Variants in PIAS4 observed in about 807,000 individuals in gnomAD.
The protein encoded by PIAS4 is E3 SUMO-protein ligase PIAS4.
A neutral mutation model predicts 58.0 loss-of-function variants in PIAS4; 7 were observed. That is an observed-to-expected ratio of 0.12 (90% CI 0.07 to 0.23). The LOEUF is 0.23. PIAS4 is among the 10% of genes least tolerant of loss of function. The pLI is 1.00. For synonymous variants in PIAS4, 364 were observed against 312.4 expected (o/e 1.17, Z -1.74); for missense variants, 550 against 709.5 (o/e 0.78, Z 2.55).
At chr19:4,015,849 C>T (rs1341829405) in intron 2 of PIAS4, among the ~76,000 whole-genome samples, 3 of 152,208 alleles carry the variant, frequency 2.0e-5, no homozygotes, top group South Asian at 2.1e-4. Flanking sequence ...ATGGAGACCG[C>T]GCCAGGCGGA....
chr19:4,019,123 G>A (rs2040082789), intron 2 of PIAS4, among the ~76,000 whole-genome samples: 1 of 152,168 alleles, frequency 6.6e-6, no homozygotes, highest in African/African-American at 2.4e-5. Flanking sequence ...GTGGATGTTT[G>A]CAGGACAGCA....
intron 1 of PIAS4, among the ~76,000 whole-genome samples, chr19:4,009,300 G>T (rs935340656): frequency 6.6e-6 from 1 of 152,066 alleles, no homozygotes; most frequent in African/African-American, 2.4e-5. Flanking sequence ...ACACCCCTGC[G>T]CACACTTCTG....
intron 9 of PIAS4, among the ~76,000 whole-genome samples, chr19:4,034,556 A>C (rs896360197): frequency 5.9e-5 from 9 of 152,076 alleles, no homozygotes; most frequent in Non-Finnish European, 1.0e-4. Flanking sequence ...CTGGGTGGCC[A>C]CCCCCTTGCA....
chr19:4,013,369 A>G lies in PIAS4; in HGVS notation c.454+20A>G. 1 of 1,596,510 alleles carries G rather than the reference A, an allele frequency of 6.3e-7. No homozygotes were observed. ...AATTAGGTGAGTGGTCACCCTGGGG[A>G]GGCTGCGACTGGAGGCTTCACCTAG... On this transcript the variant is annotated intron_variant, in intron 2 of 10. Coordinates refer to ENST00000262971, the MANE Select transcript of PIAS4 (RefSeq NM_015897.4). This position sits in a 1 kb window ranked among gnomAD's most constrained non-coding sequence, Gnocchi z 5.1.
At chr19:4,008,003 G>C (rs1431304363) in intron 1 of PIAS4, among the ~76,000 whole-genome samples, 1 of 151,542 alleles carries the variant, frequency 6.6e-6, no homozygotes, top group East Asian at 2.0e-4. Flanking sequence ...AGGTCTTCGC[G>C]CCGGGGGTCG....
chr19:4,036,499 TACAA>T (rs1244186409), intron 9 of PIAS4, among the ~76,000 whole-genome samples: 19 of 115,412 alleles, frequency 1.6e-4, no homozygotes, highest in South Asian at 5.8e-4. Flanking sequence ...CACACCGTCA[TACAA>T]ACACACACAC....
In PIAS4 at chr19:4,013,474, C is replaced by T; in HGVS notation, c.454+125C>T. 3 of 821,556 alleles carry T rather than the reference C, an allele frequency of 3.7e-6. No individual in the cohort carries two copies. The highest frequency in any genetic ancestry group is 2.6e-5 in the East Asian group (1 of 38,260). The allele number at this position is 821,556 out of a possible 1,614,324, so 50.9% of individuals were successfully genotyped here. On this transcript the variant is annotated intron_variant, in intron 2 of 10. Coordinates refer to ENST00000262971, the MANE Select transcript of PIAS4 (RefSeq NM_015897.4). This position sits in a 1 kb window ranked among gnomAD's most constrained non-coding sequence, Gnocchi z 5.1. ...GTGGCGCAGCCAGGGCGGGGAGCCA[C>T]AGTGGCCAGGGGTGTCCTTCCTCGG...
chr19:4,010,058 T>C (rs1175432907), intron 1 of PIAS4, among the ~76,000 whole-genome samples: 1 of 152,246 alleles, frequency 6.6e-6, no homozygotes, highest in Non-Finnish European at 1.5e-5. Context: ...CAGGCAAGCC[T>C]GGAGTTGAAA....
chr19:4,014,664 C>T (rs563206812), intron 2 of PIAS4, among the ~76,000 whole-genome samples: 92 of 152,338 alleles, frequency 6.0e-4, no homozygotes, highest in Admixed American at 1.4e-3. Context: ...ACCAAGGCCA[C>T]GAGGTTCAGA....
intron 2 of PIAS4, among the ~76,000 whole-genome samples, chr19:4,019,862 G>T (rs1453233388): frequency 1.3e-5 from 2 of 152,104 alleles, no homozygotes; most frequent in East Asian, 3.9e-4. Flanking sequence ...GGACGTGCAG[G>T]CTGAGGCCAC....
At chr19:4,019,516 C>T (rs571717498) in intron 2 of PIAS4, among the ~76,000 whole-genome samples, 1 of 152,330 alleles carries the variant, frequency 6.6e-6, no homozygotes, top group East Asian at 1.9e-4. Context: ...TTCTGAGACA[C>T]TGAGGGGTGG....
chr19:4,033,031 ACTC>A, intron 7 of PIAS4, 66 bp from the exon 8 acceptor site: 1 of 1,257,266 alleles, frequency 8.0e-7, no homozygotes, highest in South Asian at 1.2e-5. Context: ...GCCGGAGAGA[ACTC>A]GAATCACAGC....
At chr19:4,016,337 G>A (rs566436328) in intron 2 of PIAS4, among the ~76,000 whole-genome samples, 4 of 152,318 alleles carry the variant, frequency 2.6e-5, no homozygotes, top group Non-Finnish European at 5.9e-5. Context: ...CTGCCCACCC[G>A]CCTGCTGTGC....
intron 7 of PIAS4, among the ~76,000 whole-genome samples, chr19:4,032,717 C>G (rs1051250704): frequency 1.3e-5 from 2 of 152,212 alleles, no homozygotes; most frequent in Non-Finnish European, 1.5e-5. Context: ...CTGCCTCATT[C>G]CCCGCTGTGG....
chr19:4,029,296 C>A (rs2040199754), intron 7 of PIAS4, among the ~76,000 whole-genome samples: 1 of 152,142 alleles, frequency 6.6e-6, no homozygotes, highest in South Asian at 2.1e-4. Flanking sequence ...GGTGCTCCAG[C>A]CCACAGGGGT....
intron 3 of PIAS4, 77 bp from the exon 4 acceptor site, chr19:4,028,069 C>A: frequency 7.1e-7 from 1 of 1,417,144 alleles, no homozygotes; most frequent in South Asian, 1.1e-5. Flanking sequence ...CGGTCTCCAC[C>A]TTGTCGGGTG....
At chr19:4,014,158 G>A (rs781515265) in intron 2 of PIAS4, among the ~76,000 whole-genome samples, 1 of 152,192 alleles carries the variant, frequency 6.6e-6, no homozygotes, top group Non-Finnish European at 1.5e-5. Context: ...CGTGCTGGGG[G>A]TTCAGGGCGA....
In PIAS4 at chr19:4,029,504, G is replaced by C. The variant is rs1038902294; in HGVS notation, c.907+468G>C. Reference sequence around the variant, plus strand: ...CTGTGGGAGGAAGACGGGCGGCGGCGGTCTGACCTCACGTTGGTGAGGCCC... The same window carrying C: ...CTGTGGGAGGAAGACGGGCGGCGGCCGTCTGACCTCACGTTGGTGAGGCCC... On this transcript the variant is annotated intron_variant, in intron 7 of 10. Transcript: ENST00000262971. 2.0e-5 allele frequency among the ~76,000 whole-genome samples: 3 copies of C among 152,102 alleles called. No individual in the cohort carries two copies. The South Asian group carries it at 6.2e-4, about 32-fold the overall frequency.
At chr19:4,021,742 C>CTTTTTTTTTTT (rs776416490) in intron 2 of PIAS4, among the ~76,000 whole-genome samples, 24 of 104,068 alleles carry the variant, frequency 2.3e-4, no homozygotes, top group East Asian at 2.6e-4. Flanking sequence ...TTTTCTTTTT[C>CTTTTTTTTTTT]TTTTTTTTTT....
Sources: allele counts gnomAD v4.1 joint callset (sites outside exome capture counted in the v4.1 genomes callset), GRCh38; gene constraint gnomAD v4.1.1; non-coding constraint Gnocchi (gnomAD v3.1); transcripts MANE v1.5; gene names NCBI Gene and HGNC (gene_info 2026-07-23, HGNC 2026-07-21).